UBE2H: variants seen among roughly 807,000 people sequenced by gnomAD.
UBE2H encodes ubiquitin conjugating enzyme E2 H.
Under a neutral mutation model 29.0 loss-of-function variants are expected in UBE2H, and 3 were observed. The observed-to-expected ratio is 0.10, with a 90% confidence interval of 0.05 to 0.27. The LOEUF (loss-of-function observed/expected upper bound fraction) is 0.27, where lower values mean the gene tolerates loss of function less well. UBE2H is among the 10% of genes least tolerant of loss of function. UBE2H has a pLI of 1.00. For missense variants in UBE2H, 68 were observed against 228.2 expected (o/e 0.30, Z 4.52); for synonymous variants, 69 against 82.9 (o/e 0.83, Z 0.91).
intron 1 of UBE2H, among the ~76,000 whole-genome samples, chr7:129,889,985 T>TAGCTGGGC (rs1231120299): frequency 6.6e-6 from 1 of 151,768 alleles, no homozygotes; most frequent in East Asian, 1.9e-4. Context: ...ACCAAAAAAT[T>TAGCTGGGC]AGCTGGGCAG....
At chr7:129,930,358 T>G (rs1287845688) in intron 1 of UBE2H, among the ~76,000 whole-genome samples, 1 of 152,096 alleles carries the variant, frequency 6.6e-6, no homozygotes. Context: ...ACGAGGTTTC[T>G]CCATGTTGCT....
intron 1 of UBE2H, among the ~76,000 whole-genome samples, chr7:129,944,715 A>AAAACAC (rs1304906388): frequency 1.4e-5 from 2 of 143,956 alleles, no homozygotes; most frequent in African/African-American, 5.3e-5. Context: ...ATGCGCTCAA[A>AAAACAC]ACACACACAC....
intron 5 of UBE2H, among the ~76,000 whole-genome samples, chr7:129,840,517 C>T (rs1303099423): frequency 2.6e-5 from 4 of 152,140 alleles, no homozygotes; most frequent in African/African-American, 9.7e-5. Context: ...ATGATATCTA[C>T]ACACAGTTAG....
chr7:129,861,574 T>TA (rs542108262), intron 3 of UBE2H, among the ~76,000 whole-genome samples: 1 of 152,118 alleles, frequency 6.6e-6, no homozygotes, highest in African/African-American at 2.4e-5. Flanking sequence ...TAGTTGAGCT[T>TA]AAAAAAACTC....
chr7:129,836,023 A>C (rs1805318656), intron 6 of UBE2H, among the ~76,000 whole-genome samples: 1 of 152,256 alleles, frequency 6.6e-6, no homozygotes, highest in African/African-American at 2.4e-5. Context: ...TGTGTGATAA[A>C]GGCCACATCT....
chr7:129,842,997 A>ATTTTT (rs1214247554), intron 5 of UBE2H, among the ~76,000 whole-genome samples: 4 of 139,562 alleles, frequency 2.9e-5, no homozygotes, highest in African/African-American at 5.4e-5. Flanking sequence ...ATTAACAGTA[A>ATTTTT]TTTTTTTTTT....
At chr7:129,895,506 C>T (rs746841461) in intron 1 of UBE2H, among the ~76,000 whole-genome samples, 1 of 152,102 alleles carries the variant, frequency 6.6e-6, no homozygotes, top group East Asian at 1.9e-4. Context: ...GTAAATGATA[C>T]AAAGACATAC....
intron 1 of UBE2H, among the ~76,000 whole-genome samples, chr7:129,937,571 G>C (rs1341569052): frequency 6.6e-6 from 1 of 152,158 alleles, no homozygotes; most frequent in African/African-American, 2.4e-5. Context: ...AAAAAAGCAA[G>C]TGAGTATTCA....
intron 1 of UBE2H, among the ~76,000 whole-genome samples, chr7:129,900,940 A>C (rs1487476073): frequency 6.6e-6 from 1 of 151,722 alleles, no homozygotes; most frequent in East Asian, 1.9e-4. Context: ...TTAGTAGAGA[A>C]GGGGTTTCAC....
chr7:129,865,007 A>G, intron 3 of UBE2H: 1 of 415,420 alleles, frequency 2.4e-6, no homozygotes, highest in Non-Finnish European at 4.8e-6. Context: ...TCCAGCTAAA[A>G]TGCTTACCCT....
chr7:129,917,264 T>C (rs1463398444), intron 1 of UBE2H, among the ~76,000 whole-genome samples: 1 of 152,236 alleles, frequency 6.6e-6, no homozygotes, highest in Non-Finnish European at 1.5e-5. Context: ...ATGCTGTTTT[T>C]CATTTTATTT....
intron 1 of UBE2H, among the ~76,000 whole-genome samples, chr7:129,921,187 T>C (rs1338291929): frequency 3.9e-5 from 6 of 152,202 alleles, no homozygotes; most frequent in African/African-American, 1.4e-4. Context: ...ACTGTGTCAC[T>C]GTCTCTGATC....
intron 1 of UBE2H, among the ~76,000 whole-genome samples, chr7:129,909,564 G>C (rs1806887736): frequency 6.6e-6 from 1 of 152,096 alleles, no homozygotes; most frequent in Non-Finnish European, 1.5e-5. Context: ...CCTTCAAAAA[G>C]AGAAAAATGG....
chr7:129,929,317 C>CAAAAA (rs1255962023), intron 1 of UBE2H, among the ~76,000 whole-genome samples: 1 of 91,502 alleles, frequency 1.1e-5, no homozygotes, highest in Non-Finnish European at 2.2e-5. Context: ...AACTCCATCT[C>CAAAAA]AAAAAAAAAA....
chr7:129,857,589 G>A (rs374179398), intron 4 of UBE2H, 26 bp from the exon 5 acceptor site: 30 of 1,600,826 alleles, frequency 1.9e-5, no homozygotes, highest in Non-Finnish European at 2.2e-5. Context: ...AGAATGGCAT[G>A]TTTTTAAAAA....
intron 3 of UBE2H, among the ~76,000 whole-genome samples, chr7:129,872,321 A>G (rs888076580): frequency 2.6e-5 from 4 of 152,146 alleles, no homozygotes; most frequent in African/African-American, 9.7e-5. Flanking sequence ...TTGAGGGAGT[A>G]ACTCTAGAAT....
rs771607937 is a variant in UBE2H, at chr7:129,857,563, C to G, written c.246G>C (p.Ala82=). 3 of 1,610,120 alleles carry G rather than the reference C, an allele frequency of 1.9e-6. No homozygotes were observed. The Admixed American group carries it at 5.1e-5, about 27-fold the overall frequency. Residue 82 remains alanine, a splice_region_variant and synonymous_variant, in exon 5 of 7, where the codon GCG becomes GCC. Coordinates refer to ENST00000355621, the MANE Select transcript of UBE2H (RefSeq NM_003344.4). ...NKIFHPNIDE[A]SGTVCLDVIN... is the part of the protein sequence containing the mutation. ...TTACATCTAGACACACAGTTCCTGACCTGAAACAGATGGAAAGAATGGCAT... is the reference window on the plus strand; with the variant it reads ...TTACATCTAGACACACAGTTCCTGAGCTGAAACAGATGGAAAGAATGGCAT...
chr7:129,929,084 C>T (rs1240314468), intron 1 of UBE2H, among the ~76,000 whole-genome samples: 2 of 152,024 alleles, frequency 1.3e-5, no homozygotes, highest in Non-Finnish European at 2.9e-5. Context: ...TTTGGGAGGC[C>T]GAGGCAGGCG....
Position 129,904,285 on chromosome 7 carries a change from C to CTT in UBE2H, c.54-23316_54-23315dup, listed in dbSNP as rs199845683. 4.1e-5 allele frequency among the ~76,000 whole-genome samples: 6 copies of CTT among 146,608 alleles called. No individual in the cohort carries two copies. The East Asian group carries it at 5.9e-4, about 14-fold the overall frequency. ...CTGATTCTTATCCTTTAAGGTGTGT[C>CTT]TTTTTTTTTTTTAAATAGAGATGGG... is the stretch of plus-strand genomic sequence containing the variant. On this transcript the variant is annotated intron_variant, in intron 1 of 6. Transcript: ENST00000355621.
Sources: gnomAD v4.1 joint callset for allele counts (sites outside exome capture counted in the v4.1 genomes callset) on GRCh38, gnomAD v4.1.1 for gene constraint, MANE v1.5 for transcripts, NCBI Gene and HGNC (gene_info 2026-07-23, HGNC 2026-07-21) for gene names.